Variants in UBAP1 observed in about 807,000 individuals in gnomAD.
UBAP1 encodes the protein ubiquitin associated protein 1.
A neutral mutation model predicts 39.0 loss-of-function variants in UBAP1; 5 were observed. The observed-to-expected ratio is 0.13, with a 90% CI of 0.07 to 0.27. The LOEUF is 0.27. Among genes scored for constraint, UBAP1 ranks in the 10% least tolerant of loss-of-function variants. The pLI is 1.00. For missense variants in UBAP1, 490 were observed against 608.1 expected, an observed-to-expected ratio of 0.81 and a Z score of 2.04; for synonymous variants, 211 against 225.1, an observed-to-expected ratio of 0.94 and a Z score of 0.56.
intron 2 of UBAP1, among the ~76,000 whole-genome samples, chr9:34,227,192 A>G (rs1833152293): frequency 6.6e-6 from 1 of 152,200 alleles, no homozygotes; most frequent in Admixed American, 6.5e-5. Flanking sequence ...GATATGAGTA[A>G]CATTTTCTTG....
intron 4 of UBAP1, among the ~76,000 whole-genome samples, chr9:34,242,857 A>G (rs1004710760): frequency 2.4e-4 from 37 of 152,266 alleles, no homozygotes; most frequent in African/African-American, 8.7e-4. Context: ...AAAGCACATC[A>G]AGAGACTATT....
chr9:34,242,690 A>G (rs997087336), intron 4 of UBAP1, among the ~76,000 whole-genome samples: 10 of 151,876 alleles, frequency 6.6e-5, no homozygotes. Context: ...ACACTCAGCT[A>G]ATTTTTGTAT....
rs1056013701 is a variant in UBAP1 at position 34,192,906 on chromosome 9, T to C, written c.-8+13666T>C. 2.2e-4 allele frequency among the ~76,000 whole-genome samples: 4 copies of C among 17,830 alleles called. No individual in the cohort carries two copies. In the South Asian group the frequency reaches 0.053, roughly 235 times the overall value. The allele number at this position is 17,830 out of a possible 152,430, so 11.7% of individuals were successfully genotyped here. ...GTTCTTTACAACTATAATTACTTAT[T>C]TTTCTATATTGGACTCATATAAAAA... On this transcript the variant is annotated intron_variant, in intron 1 of 6. Transcript: ENST00000297661.
intron 1 of UBAP1, among the ~76,000 whole-genome samples, chr9:34,198,881 C>G (rs984406975): frequency 6.6e-6 from 1 of 152,108 alleles, no homozygotes; most frequent in Non-Finnish European, 1.5e-5. Context: ...GCGATGCAGT[C>G]AAAAAGTCAA....
In UBAP1 at chr9:34,241,175, A is replaced by G; in HGVS notation, c.160-10A>G. The stretch of plus-strand genomic sequence containing the variant: ...GGTTCACACCCCCTTCCTCTGCTAT[A>G]TCTTTGCAGTATGACTTCTCTTTGG... On this transcript the variant is annotated splice_polypyrimidine_tract_variant and intron_variant, in intron 3 of 6. Transcript: ENST00000297661. The G allele has an allele frequency of 6.9e-7, 1 of 1,456,474 alleles. No individual in the cohort carries two copies. The highest frequency in any genetic ancestry group is 9.1e-7 in the Non-Finnish European group (1 of 1,103,386). The allele number at this position is 1,456,474 out of a possible 1,614,324, so 90.2% of individuals were successfully genotyped here.
chr9:34,247,007 A>C (rs769410111), intron 4 of UBAP1, among the ~76,000 whole-genome samples: 3 of 152,216 alleles, frequency 2.0e-5, no homozygotes, highest in Non-Finnish European at 4.4e-5. Context: ...AAATTTTACT[A>C]TTCTTTTATT....
chr9:34,203,130 A>G (rs1200767881), intron 1 of UBAP1, among the ~76,000 whole-genome samples: 1 of 152,010 alleles, frequency 6.6e-6, no homozygotes, highest in Admixed American at 6.6e-5. Flanking sequence ...TTTAATTAGG[A>G]TTTGGGTATG....
intron 1 of UBAP1, among the ~76,000 whole-genome samples, chr9:34,185,426 G>A (rs1490296891): frequency 6.6e-6 from 1 of 152,180 alleles, no homozygotes; most frequent in African/African-American, 2.4e-5. Flanking sequence ...GTTCATGCCT[G>A]TAGTCCCAGG....
intron 1 of UBAP1, among the ~76,000 whole-genome samples, chr9:34,214,156 A>T (rs1335890803): frequency 1.8e-4 from 28 of 152,228 alleles, no homozygotes; most frequent in Admixed American, 1.7e-3. Flanking sequence ...TCTTCACAGA[A>T]TTAGAAACAA....
At chr9:34,182,671 C>CTTTCTTTCTTTCTTTCTCT (rs1830139983) in intron 1 of UBAP1, among the ~76,000 whole-genome samples, 121 of 87,988 alleles carry the variant, frequency 1.4e-3, no homozygotes, top group Middle Eastern at 5.4e-3. Flanking sequence ...TTCTTTCTTT[C>CTTTCTTTCTTTCTTTCTCT]TTTCTTTCTT....
At chr9:34,250,443 C>G (rs546671639) in intron 5 of UBAP1, among the ~76,000 whole-genome samples, 78 of 152,274 alleles carry the variant, frequency 5.1e-4, no homozygotes, top group African/African-American at 1.8e-3. Context: ...TTGGAAAATG[C>G]CTGCTCCTGT....
At chr9:34,223,891 GT>G (rs1005082891) in intron 2 of UBAP1, 32 of 252,736 alleles carry the variant, frequency 1.3e-4, no homozygotes, top group Admixed American at 1.2e-3. Flanking sequence ...GGCTTTACTT[GT>G]TTTTTTTGTT....
At chr9:34,184,761 T>C (rs1406437464) in intron 1 of UBAP1, among the ~76,000 whole-genome samples, 1 of 151,008 alleles carries the variant, frequency 6.6e-6, no homozygotes, top group Non-Finnish European at 1.5e-5. Context: ...TAGCTGGGAC[T>C]ACAGATGGTG....
In UBAP1 at chr9:34,234,359, T is replaced by C; in HGVS notation, c.159+19T>C. ...AGTACAGGTAAGTGGTAATTTTTAG[T>C]TAAAGTTTAGTGCATTTAAAAGTTT... On this transcript the variant is annotated intron_variant, in intron 3 of 6. Coordinates refer to ENST00000297661, the MANE Select transcript of UBAP1 (RefSeq NM_016525.5). The C allele has an allele frequency of 1.9e-6, 3 of 1,577,296 alleles. No individual in the cohort carries two copies. Among genetic ancestry groups the C allele is most frequent in the Non-Finnish European group, 2.6e-6 (3 of 1,168,670 alleles).
At chr9:34,231,509 A>G (rs1232227604) in intron 2 of UBAP1, among the ~76,000 whole-genome samples, 6 of 150,794 alleles carry the variant, frequency 4.0e-5, no homozygotes, top group Non-Finnish European at 8.9e-5. Context: ...GGTCCCGGCC[A>G]AAAGCATGTC....
Position 34,249,949 on chromosome 9 carries a change from G to A in UBAP1, c.1254G>A (p.Glu418=), listed in dbSNP as rs777474163. The A allele has an allele frequency of 1.4e-5, 22 of 1,614,016 alleles. No individual in the cohort carries two copies. In the African/African-American group the frequency reaches 2.1e-4, roughly 16 times the overall value. The part of the protein sequence containing the change: ...CVLRAMKKKG[E]NIEQILDYLF... ...TCAGAGCCATGAAGAAGAAAGGAGAGAATATTGAGCAGGTGAGCGGTTGGT... is the reference window on the plus strand; with the variant it reads ...TCAGAGCCATGAAGAAGAAAGGAGAAAATATTGAGCAGGTGAGCGGTTGGT... Residue 418 remains glutamate, a synonymous_variant, in exon 5 of 7, where the codon GAG becomes GAA. Transcript: ENST00000297661.
At chr9:34,182,691 CTTTCTTT>C (rs1830153863) in intron 1 of UBAP1, among the ~76,000 whole-genome samples, 1 of 95,436 alleles carries the variant, frequency 1.0e-5, no homozygotes. Context: ...TTCTCTCTCT[CTTTCTTT>C]TCTTTTCTTT....
At chr9:34,228,651 C>T (rs1165034104) in intron 2 of UBAP1, among the ~76,000 whole-genome samples, 1 of 149,642 alleles carries the variant, frequency 6.7e-6, no homozygotes, top group African/African-American at 2.5e-5. Context: ...CTCACTGCCG[C>T]CTCCGCCTCC....
intron 1 of UBAP1, among the ~76,000 whole-genome samples, chr9:34,190,891 A>G (rs1282711369): frequency 6.8e-6 from 1 of 147,820 alleles, no homozygotes; most frequent in African/African-American, 2.5e-5. Flanking sequence ...CAGGTGATCC[A>G]CCTGCCTCGG....
Sources: gnomAD v4.1 joint callset for allele counts (sites outside exome capture counted in the v4.1 genomes callset) on GRCh38, gnomAD v4.1.1 for gene constraint, MANE v1.5 for transcripts, NCBI Gene and HGNC (gene_info 2026-07-23, HGNC 2026-07-21) for gene names.